The following PCDHGA12 variants were observed in gnomAD, a reference collection of about 807,000 sequenced individuals.
The protein encoded by PCDHGA12 is protocadherin gamma-A12.
A neutral mutation model predicts 61.1 loss-of-function variants in PCDHGA12; 43 were observed. The observed-to-expected ratio is 0.70, with a 90% CI of 0.55 to 0.91. The LOEUF is 0.91. Among genes scored for constraint, PCDHGA12 ranks in the 40% least tolerant of loss-of-function variants. The pLI is 0.00. For missense variants in PCDHGA12, 1,236 were observed against 1,227.7 expected (o/e 1.01, Z -0.10); for synonymous variants, 520 against 542.9 (o/e 0.96, Z 0.59).
intron 1 of PCDHGA12, among the ~76,000 whole-genome samples, chr5:141,475,339 T>C (rs1295364417): frequency 1.3e-5 from 2 of 152,188 alleles, no homozygotes; most frequent in Non-Finnish European, 2.9e-5. Flanking sequence ...AACAATGACA[T>C]CCAGTTTTAA....
intron 1 of PCDHGA12, among the ~76,000 whole-genome samples, chr5:141,453,217 G>A (rs770914741): frequency 1.2e-4 from 19 of 152,100 alleles, no homozygotes; most frequent in Admixed American, 1.0e-3. Context: ...GCACTTAAGC[G>A]ATCCTCCCAC....
rs1226558966 is a variant in PCDHGA12, at chr5:141,432,589, G to C, written c.1830G>C (p.Lys610Asn). The C allele has an allele frequency of 6.2e-7, 1 of 1,613,916 alleles. No homozygotes were observed. The highest frequency in any genetic ancestry group is 8.5e-7 in the Non-Finnish European group (1 of 1,179,974). The stretch of plus-strand genomic sequence containing the variant: ...CCTGGCTGTCCTACCGTCTGCTCAA[G>C]GCCAGCGAGCCGGGACTCTTCTCGG... Reference protein sequence around the residue: ...QNAWLSYRLLKASEPGLFSVG... With the variant: ...QNAWLSYRLLNASEPGLFSVG... The change falls in exon 1 of 4, where the codon AAG (lysine) becomes AAC (asparagine). Residue 610 changes from lysine to asparagine, a missense_variant. Coordinates refer to ENST00000252085, the MANE Select transcript of PCDHGA12 (RefSeq NM_003735.3). The surrounding 1 kb of genome is among the most constrained non-coding windows in gnomAD (Gnocchi z 6.0).
rs143138320 is a variant in PCDHGA12 at position 141,489,458 on chromosome 5, G to C, written c.2425-5349G>C. The stretch of plus-strand genomic sequence containing the variant: ...CAATTGGGCTCTGAGGAGAATGGGC[G>C]CTATTTTTCCCTGAGCTTGATGAGT... On this transcript the variant is annotated intron_variant, in intron 1 of 3. Coordinates refer to ENST00000252085, the MANE Select transcript of PCDHGA12 (RefSeq NM_003735.3). The surrounding 1 kb of genome is among the most constrained non-coding windows in gnomAD (Gnocchi z 4.5). 3.7e-6 allele frequency: 6 copies of C among 1,613,924 alleles called. No individual in the cohort carries two copies. The highest frequency in any genetic ancestry group is 5.1e-6 in the Non-Finnish European group (6 of 1,180,000).
In PCDHGA12 at chr5:141,476,585, G is replaced by C; in HGVS notation, c.2425-18222G>C. 6.2e-7 allele frequency: 1 copy of C among 1,614,214 alleles called. No homozygotes were observed. The highest frequency in any genetic ancestry group is 8.5e-7 in the Non-Finnish European group (1 of 1,180,040). On this transcript the variant is annotated intron_variant, in intron 1 of 3. Coordinates refer to ENST00000252085, the MANE Select transcript of PCDHGA12 (RefSeq NM_003735.3). The surrounding 1 kb of genome is among the most constrained non-coding windows in gnomAD (Gnocchi z 7.6). ...GGCTCCGGGGACGCGCTTTCCGCTC[G>C]AGAGCGCGCACGATCCCGATGTGGG...
intron 1 of PCDHGA12, among the ~76,000 whole-genome samples, chr5:141,461,001 A>C (rs1309762345): frequency 6.7e-6 from 1 of 150,320 alleles, no homozygotes; most frequent in Admixed American, 6.7e-5. Context: ...ATATATGTGT[A>C]TATATATATA....
At chr5:141,461,507 T>C (rs1271911872) in intron 1 of PCDHGA12, among the ~76,000 whole-genome samples, 1 of 152,316 alleles carries the variant, frequency 6.6e-6, no homozygotes, top group East Asian at 1.9e-4. Context: ...TTCTTGGTGA[T>C]TTGTTAGTTC....
chr5:141,476,053 A>G lies in PCDHGA12; in HGVS notation c.2425-18754A>G. 2 of 1,501,944 alleles carry G rather than the reference A, an allele frequency of 1.3e-6. No homozygotes were observed. Among genetic ancestry groups the G allele is most frequent in the Non-Finnish European group, 1.8e-6 (2 of 1,131,392 alleles). 93.0% of individuals were successfully genotyped at this position (1,501,944 alleles called of 1,614,324 possible). ...CAGCGCCCAAGCGCTAACCCGCTGA[A>G]AGTTTCTCAGCGAAATCTCAGGGAC... On this transcript the variant is annotated intron_variant, in intron 1 of 3. Coordinates refer to ENST00000252085, the MANE Select transcript of PCDHGA12 (RefSeq NM_003735.3). The surrounding 1 kb of genome is among the most constrained non-coding windows in gnomAD (Gnocchi z 7.6).
intron 3 of PCDHGA12, 157 bp downstream of exon 3, chr5:141,505,638 T>C: frequency 1.0e-6 from 1 of 968,044 alleles, no homozygotes; most frequent in Non-Finnish European, 1.2e-6. Context: ...ACATAAAGCC[T>C]GGAATTGTGG....
In PCDHGA12 at chr5:141,432,476, A is replaced by C; in HGVS notation, c.1717A>C (p.Thr573Pro). 6.2e-7 allele frequency: 1 copy of C among 1,614,080 alleles called. No homozygotes were observed. The highest frequency in any genetic ancestry group is 8.5e-7 in the Non-Finnish European group (1 of 1,180,012). Reference sequence around the variant, plus strand: ...CCCCGCCCTCCCCACGGACGGTTCCACTGGCGTGGAGCTGGCTCCCCGCTC... The same window carrying C: ...CCCCGCCCTCCCCACGGACGGTTCCCCTGGCGTGGAGCTGGCTCCCCGCTC... ...LYPALPTDGS[T>P]GVELAPRSAE... Residue 573 changes from threonine to proline, a missense_variant, in exon 1 of 4, where the codon ACT becomes CCT. Transcript: ENST00000252085. The surrounding 1 kb of genome is among the most constrained non-coding windows in gnomAD (Gnocchi z 6.0).
At chr5:141,504,961 G>A (rs995382728) in intron 2 of PCDHGA12, among the ~76,000 whole-genome samples, 2 of 151,928 alleles carry the variant, frequency 1.3e-5, no homozygotes, top group Non-Finnish European at 2.9e-5. Flanking sequence ...TCAATGCATT[G>A]GACCAGCCTG....
chr5:141,459,548 C>G (rs980305784), intron 1 of PCDHGA12, among the ~76,000 whole-genome samples: 2 of 152,036 alleles, frequency 1.3e-5, no homozygotes, highest in African/African-American at 4.8e-5. Flanking sequence ...TTTTATTTCT[C>G]TTGGATAAAT....
intron 1 of PCDHGA12, among the ~76,000 whole-genome samples, chr5:141,446,746 C>T (rs1413869259): frequency 6.6e-6 from 1 of 152,170 alleles, no homozygotes; most frequent in Non-Finnish European, 1.5e-5. Context: ...GGATTACAGG[C>T]GTGAGCCACC....
At chr5:141,475,132 T>C (rs563015610) in intron 1 of PCDHGA12, among the ~76,000 whole-genome samples, 14 of 152,322 alleles carry the variant, frequency 9.2e-5, no homozygotes, top group African/African-American at 2.6e-4. Context: ...TTTTTTCTTT[T>C]TGAAATCTTC....
intron 1 of PCDHGA12, among the ~76,000 whole-genome samples, chr5:141,447,244 A>T (rs1475037979): frequency 6.6e-6 from 1 of 152,062 alleles, no homozygotes; most frequent in Non-Finnish European, 1.5e-5. Flanking sequence ...GGTTCAAGTG[A>T]TTCTTCTGTC....
At chr5:141,447,371 C>G (rs1180989888) in intron 1 of PCDHGA12, among the ~76,000 whole-genome samples, 1 of 151,826 alleles carries the variant, frequency 6.6e-6, no homozygotes, top group African/African-American at 2.4e-5. Context: ...ACTCCTGACC[C>G]TGGTGATCTG....
chr5:141,471,254 T>A (rs1043647138), intron 1 of PCDHGA12: 1 of 151,828 alleles, frequency 6.6e-6, no homozygotes, highest in African/African-American at 2.4e-5. Flanking sequence ...TTTCACCATG[T>A]TGGCAAGGCT....
intron 1 of PCDHGA12, among the ~76,000 whole-genome samples, chr5:141,438,637 C>G (rs11958903): frequency 3.2e-5 from 1 of 30,940 alleles, no homozygotes. Context: ...TATATATATA[C>G]ACACACACAC....
intron 3 of PCDHGA12, among the ~76,000 whole-genome samples, chr5:141,509,092 G>T (rs943269087): frequency 1.3e-5 from 2 of 152,180 alleles, no homozygotes; most frequent in African/African-American, 4.8e-5. Context: ...TGAAATGGGG[G>T]CTGTAGAAAC....
intron 1 of PCDHGA12, among the ~76,000 whole-genome samples, chr5:141,433,690 A>G (rs951380027): frequency 2.0e-5 from 3 of 152,088 alleles, no homozygotes; most frequent in African/African-American, 7.2e-5. Flanking sequence ...ATACAAAATT[A>G]GCCGGGCGTG....
Sources: allele counts gnomAD v4.1 joint callset (sites outside exome capture counted in the v4.1 genomes callset), GRCh38; gene constraint gnomAD v4.1.1; non-coding constraint Gnocchi (gnomAD v3.1); transcripts MANE v1.5; gene names NCBI Gene and HGNC (gene_info 2026-07-23, HGNC 2026-07-21).